The following NOD2 variants were observed in gnomAD, a reference collection of about 807,000 sequenced individuals.
NOD2 encodes the protein nucleotide binding oligomerization domain containing 2.
A neutral mutation model predicts 90.9 loss-of-function variants in NOD2; 86 were observed. The observed-to-expected ratio is 0.95, with a 90% CI of 0.79 to 1.13. NOD2 has a LOEUF of 1.13. NOD2 is among the 50% of genes most tolerant of loss of function. The pLI is 0.00. For synonymous variants in NOD2, 581 were observed against 554.6 expected, an observed-to-expected ratio of 1.05 and a Z score of -0.67; for missense variants, 1,238 against 1,283.8, an observed-to-expected ratio of 0.96 and a Z score of 0.55.
intron 2 of NOD2, among the ~76,000 whole-genome samples, chr16:50,700,661 G>C (rs1179529235): frequency 6.6e-6 from 1 of 152,180 alleles, no homozygotes; most frequent in African/African-American, 2.4e-5. Flanking sequence ...TAATGCTTAG[G>C]ATAGTGTCTA....
intron 2 of NOD2, among the ~76,000 whole-genome samples, chr16:50,705,337 A>C (rs1567385371): frequency 6.6e-6 from 1 of 152,146 alleles, no homozygotes; most frequent in African/African-American, 2.4e-5. Flanking sequence ...CTTTTTCTAC[A>C]AGTTTCTTTC....
Position 50,731,930 on chromosome 16 carries a change from C to A in NOD2, c.*111C>A. The stretch of plus-strand genomic sequence containing the variant: ...CCTCTTCAAAATGAGCCCTGTCCTG[C>A]CTAAGGCTGAACTTGTTTTCTGGGA... On this transcript the variant is annotated 3_prime_UTR_variant, in exon 12 of 12. Coordinates refer to ENST00000647318, the MANE Select transcript of NOD2 (RefSeq NM_001370466.1). 1.2e-6 allele frequency: 1 copy of A among 802,602 alleles called. No homozygotes were observed. Among genetic ancestry groups the A allele is most frequent in the Non-Finnish European group, 2.2e-6 (1 of 459,298 alleles). 49.7% of individuals were successfully genotyped at this position (802,602 alleles called of 1,614,324 possible).
In NOD2 at chr16:50,711,227, G is replaced by T. The variant is rs143110172; in HGVS notation, c.1235G>T (p.Arg412Leu). 2 of 1,613,944 alleles carry T rather than the reference G, an allele frequency of 1.2e-6. No individual in the cohort carries two copies. Among genetic ancestry groups the T allele is most frequent in the South Asian group, 1.1e-5 (1 of 91,092 alleles). Residue 412 changes from arginine to leucine, a missense_variant, in exon 4 of 12, where the codon CGC (arginine) becomes CTC (leucine). This residue lies in a region of NOD2 where 567 missense variants were observed against 577.3 expected (regional missense o/e 0.98). Coordinates refer to ENST00000647318, the MANE Select transcript of NOD2 (RefSeq NM_001370466.1). The part of the protein sequence containing the change: ...AVSAFLRKYI[R>L]TEFNLKGFSE... ...TCGGCGTTCCTCAGGAAGTACATCC[G>T]CACCGAGTTCAACCTCAAGGGCTTC...
intron 10 of NOD2, among the ~76,000 whole-genome samples, chr16:50,729,325 T>TG (rs904540872): frequency 4.4e-4 from 67 of 151,948 alleles, no homozygotes; most frequent in African/African-American, 1.5e-3. Context: ...GGGGAGGTAA[T>TG]GGGGGACTGG....
intron 2 of NOD2, among the ~76,000 whole-genome samples, chr16:50,700,719 A>G (rs920459087): frequency 2.6e-5 from 4 of 152,236 alleles, no homozygotes; most frequent in African/African-American, 9.6e-5. Flanking sequence ...GATACTCTGT[A>G]CTTGTACACT....
At chr16:50,717,070 T>C in intron 6 of NOD2, 96 bp downstream of exon 6, 1 of 991,310 alleles carries the variant, frequency 1.0e-6, no homozygotes, top group Middle Eastern at 2.2e-4. Flanking sequence ...CCACACTGGC[T>C]CCTGACCTCC....
intron 1 of NOD2, among the ~76,000 whole-genome samples, chr16:50,695,992 A>G (rs1596815909): frequency 6.6e-6 from 1 of 152,130 alleles, no homozygotes; most frequent in South Asian, 2.1e-4. Flanking sequence ...CTTTACTTTT[A>G]CAATGGAGAA....
Position 50,720,074 on chromosome 16 carries a change from A to G in NOD2, c.2633+66A>G, listed in dbSNP as rs367578799. ...TTGGGACTTTTGAGGATTTAGGGGC[A>G]GGTGAAACTCTTCAGCCAGGAGGCC... On this transcript the variant is annotated intron_variant, in intron 7 of 11. Coordinates refer to ENST00000647318, the MANE Select transcript of NOD2 (RefSeq NM_001370466.1). 14 of 1,448,812 alleles carry G rather than the reference A, an allele frequency of 9.7e-6. No homozygotes were observed. The African/African-American group carries it at 1.5e-4, about 16-fold the overall frequency. 89.7% of individuals were successfully genotyped at this position (1,448,812 alleles called of 1,614,324 possible). A position where few individuals can be genotyped will look rare whatever the true frequency, so the allele number is the denominator to read the frequency against.
At chr16:50,703,783 G>T (rs1192251921) in intron 2 of NOD2, among the ~76,000 whole-genome samples, 1 of 152,098 alleles carries the variant, frequency 6.6e-6, no homozygotes, top group Admixed American at 6.5e-5. Flanking sequence ...ACTTGGTCTG[G>T]CTTTTCCTTC....
At chr16:50,708,830 C>T (rs537654151) in intron 3 of NOD2, among the ~76,000 whole-genome samples, 4 of 152,192 alleles carry the variant, frequency 2.6e-5, no homozygotes, top group Non-Finnish European at 2.9e-5. Context: ...CTGTGCCTGG[C>T]ACTCGCGAGT....
In NOD2 at chr16:50,707,954, T is replaced by C. The variant is rs1295089041; in HGVS notation, c.559T>C (p.Leu187=). 1 of 1,606,174 alleles carries C rather than the reference T, an allele frequency of 6.2e-7. No individual in the cohort carries two copies. Among genetic ancestry groups the C allele is most frequent in the Non-Finnish European group, 8.5e-7 (1 of 1,172,724 alleles). Residue 187 remains leucine, a synonymous_variant, in exon 3 of 12, where the codon TTG becomes CTG. Coordinates refer to ENST00000647318, the MANE Select transcript of NOD2 (RefSeq NM_001370466.1). ...ATTACCAGTCCCATTGGCCCTGCCT[T>C]TGGAAGGTAGGTGTATGTTCTCAGT... is the stretch of plus-strand genomic sequence containing the variant. ...QELPVPLALP[L]EAATCKKYMA... is the part of the protein sequence containing the mutation.
chr16:50,701,884 G>A (rs930880710), intron 2 of NOD2, among the ~76,000 whole-genome samples: 1 of 152,196 alleles, frequency 6.6e-6, no homozygotes, highest in Non-Finnish European at 1.5e-5. Context: ...GACATAGGGG[G>A]AAATTTACAA....
intron 2 of NOD2, among the ~76,000 whole-genome samples, chr16:50,702,987 G>C (rs1040719300): frequency 2.0e-5 from 3 of 152,224 alleles, no homozygotes; most frequent in Admixed American, 2.0e-4. Context: ...TCATGCAACT[G>C]TTAAAGTTGA....
chr16:50,697,616 C>T, intron 1 of NOD2: 1 of 447,096 alleles, frequency 2.2e-6, no homozygotes. Flanking sequence ...ACCCCACCCT[C>T]TTGGCTCCTC....
In NOD2 at chr16:50,711,532, CG is replaced by C; in HGVS notation, c.1544del (p.Gly515AlafsTer221). 1 of 1,612,914 alleles carries C rather than the reference CG, an allele frequency of 6.2e-7. No individual in the cohort carries two copies. Among genetic ancestry groups the C allele is most frequent in the Non-Finnish European group, 8.5e-7 (1 of 1,180,006 alleles). The stretch of plus-strand genomic sequence containing the variant: ...CCAAGGTCTGGGACCCAGTCTTCTT[CG>C]GGGCCGCCTCCCCACCCTCCTGCAC... Reference protein sequence around the residue: ...ASQGLGPSLLRGRLPTLLHLG... With the variant: ...ASQGLGPSLLXGRLPTLLHLG... On this transcript the variant is annotated frameshift_variant, in exon 4 of 12. Transcript: ENST00000647318. LOFTEE classifies it high-confidence loss of function.
intron 10 of NOD2, chr16:50,728,256 A>G: frequency 3.5e-6 from 1 of 285,916 alleles, no homozygotes; most frequent in Non-Finnish European, 6.9e-6. Context: ...GCCTGCCAGT[A>G]CACTCCTCAT....
intron 4 of NOD2, among the ~76,000 whole-genome samples, chr16:50,713,801 C>T (rs1007630709): frequency 5.3e-5 from 8 of 152,070 alleles, no homozygotes; most frequent in African/African-American, 1.9e-4. Flanking sequence ...ACCGCTTGGC[C>T]CTAACTCCTC....
chr16:50,731,699 C>A (rs1309413196), intron 11 of NOD2, 48 bp from the exon 12 acceptor site: 1 of 1,295,536 alleles, frequency 7.7e-7, no homozygotes, highest in Non-Finnish European at 1.1e-6. Context: ...GAAAGCCCTG[C>A]TCTAATTTTG....
At chr16:50,714,906 G>A (rs1017677976) in intron 4 of NOD2, among the ~76,000 whole-genome samples, 12 of 152,106 alleles carry the variant, frequency 7.9e-5, no homozygotes, top group African/African-American at 2.7e-4. Flanking sequence ...GAGAGAGCAC[G>A]CACCACCATG....
Sources: gnomAD v4.1 joint callset for allele counts (sites outside exome capture counted in the v4.1 genomes callset) on GRCh38, gnomAD v4.1.1 for gene constraint, gnomAD v4.1.1 regional missense constraint, MANE v1.5 for transcripts, NCBI Gene and HGNC (gene_info 2026-07-23, HGNC 2026-07-21) for gene names.